The following DOCK5 variants were observed in gnomAD, a reference collection of about 807,000 sequenced individuals.
DOCK5 encodes the protein dedicator of cytokinesis protein 5.
Under a neutral mutation model 251.8 loss-of-function variants are expected in DOCK5, and 142 were observed. That is an observed-to-expected ratio of 0.56 (90% CI 0.49 to 0.65). The LOEUF is 0.65. DOCK5 is among the 30% of genes least tolerant of loss of function. DOCK5 has a pLI of 0.00. For synonymous variants in DOCK5, 842 were observed against 835.5 expected (o/e 1.01, Z -0.13); for missense variants, 2,111 against 2,312.3 (o/e 0.91, Z 1.79).
At chr8:25,334,280 C>A in intron 21 of DOCK5, 84 bp downstream of exon 21, 1 of 1,120,604 alleles carries the variant, frequency 8.9e-7, no homozygotes, top group African/African-American at 1.5e-5. Context: ...ACGAGACGGA[C>A]CTATTACTAT....
At chr8:25,191,768 T>TTATATA (rs10660994) in intron 1 of DOCK5, among the ~76,000 whole-genome samples, 7 of 150,524 alleles carry the variant, frequency 4.7e-5, no homozygotes, top group Admixed American at 2.0e-4. Context: ...TTTTTTAAAA[T>TTATATA]TATATATATA....
Position 25,202,251 on chromosome 8 carries a change from C to G in DOCK5, c.43+17300C>G, listed in dbSNP as rs983747902. Among the ~76,000 whole-genome samples the G allele has an allele frequency of 2.0e-5, 3 of 152,162 alleles. No homozygotes were observed. The South Asian group carries it at 6.2e-4, about 32-fold the overall frequency. On this transcript the variant is annotated intron_variant, in intron 1 of 51. Coordinates refer to ENST00000276440, the MANE Select transcript of DOCK5 (RefSeq NM_024940.8). ...CAGGCTGGTCTCGAACTCCTGTCCT[C>G]AAGCGATCCACCTGCCTCGGCCTCC... is the stretch of plus-strand genomic sequence containing the variant.
chr8:25,333,236 G>A lies in DOCK5; in HGVS notation c.2091+544G>A, dbSNP rs2468896. 4.2e-3 allele frequency among the ~76,000 whole-genome samples: 634 copies of A among 152,214 alleles called. 10 individuals are homozygous for A. Among genetic ancestry groups the A allele is most frequent in the African/African-American group, 0.015 (610 of 41,514 alleles). The stretch of plus-strand genomic sequence containing the variant: ...AGGGTGGAGGGGAAGAAGCTGAAAG[G>A]CTCAAAGCAAGCATCGTTTTCACCT... On this transcript the variant is annotated intron_variant, in intron 20 of 51. Coordinates refer to ENST00000276440, the MANE Select transcript of DOCK5 (RefSeq NM_024940.8).
intron 16 of DOCK5, among the ~76,000 whole-genome samples, chr8:25,321,319 C>T (rs1220418019): frequency 6.6e-6 from 1 of 152,190 alleles, no homozygotes; most frequent in Non-Finnish European, 1.5e-5. Flanking sequence ...TCTTTGGCAC[C>T]AGAGACTGGT....
At chr8:25,384,459 A>T (rs535880462) in intron 40 of DOCK5, among the ~76,000 whole-genome samples, 16,076 of 63,624 alleles carry the variant, frequency 0.25, 1,485 homozygotes, top group Non-Finnish European at 0.32. Context: ...TTATTTATTT[A>T]TTTATTTTTT....
chr8:25,283,623 C>T (rs1365457128), intron 5 of DOCK5, among the ~76,000 whole-genome samples: 1 of 76,724 alleles, frequency 1.3e-5, no homozygotes, highest in Non-Finnish European at 4.7e-5. Flanking sequence ...CTTGGCATAG[C>T]TTCTCTCTTA....
chr8:25,284,745 C>G (rs1029286379), intron 5 of DOCK5, among the ~76,000 whole-genome samples: 12 of 152,178 alleles, frequency 7.9e-5, no homozygotes, highest in Non-Finnish European at 1.2e-4. Flanking sequence ...TTTATCTTGT[C>G]GATAACAACT....
chr8:25,316,367 G>C (rs1168537163), intron 13 of DOCK5, among the ~76,000 whole-genome samples: 1 of 152,066 alleles, frequency 6.6e-6, no homozygotes, highest in Non-Finnish European at 1.5e-5. Flanking sequence ...TGTAATTCCA[G>C]CTACTTGGGA....
rs558148828 is a variant in DOCK5, at chr8:25,263,579, T to C, written c.128-5266T>C. On this transcript the variant is annotated intron_variant, in intron 2 of 51. Transcript: ENST00000276440. The stretch of plus-strand genomic sequence containing the variant: ...TCCCTGGTATGTAACTGATCACTCA[T>C]CCTCATTAGCATGCTGTCTCCCATG... 1.1e-3 allele frequency among the ~76,000 whole-genome samples: 163 copies of C among 151,914 alleles called. 5 individuals carry two copies. The highest frequency in any genetic ancestry group is 3.9e-3 in the African/African-American group (160 of 41,198).
At chr8:25,297,123 C>A (rs1586305013) in intron 7 of DOCK5, among the ~76,000 whole-genome samples, 1 of 152,020 alleles carries the variant, frequency 6.6e-6, no homozygotes, top group East Asian at 1.9e-4. Context: ...GAGACGGAGT[C>A]TTGCTCTGTT....
rs951880252 is a variant in DOCK5, at chr8:25,402,582, C to T, written c.4927-976C>T. 3.9e-5 allele frequency among the ~76,000 whole-genome samples: 6 copies of T among 152,174 alleles called. 1 individual carries two copies. Among genetic ancestry groups the T allele is most frequent in the Admixed American group, 3.9e-4 (6 of 15,288 alleles). On this transcript the variant is annotated intron_variant, in intron 47 of 51. Coordinates refer to ENST00000276440, the MANE Select transcript of DOCK5 (RefSeq NM_024940.8). ...AAGTGCTGGGATTACAGGTGTGAGCCACCGCGCCCGGCCCACACCCAGCTA... is the reference window on the plus strand; with the variant it reads ...AAGTGCTGGGATTACAGGTGTGAGCTACCGCGCCCGGCCCACACCCAGCTA...
chr8:25,329,188 C>G (rs1377087440), intron 18 of DOCK5, among the ~76,000 whole-genome samples: 2 of 152,158 alleles, frequency 1.3e-5, no homozygotes, highest in African/African-American at 4.8e-5. Flanking sequence ...TTGTTATTCT[C>G]TTGCTTCTCT....
chr8:25,329,495 C>T (rs938988302), intron 18 of DOCK5, among the ~76,000 whole-genome samples: 4 of 152,196 alleles, frequency 2.6e-5, no homozygotes, highest in South Asian at 2.1e-4. Flanking sequence ...TCTTGTGTCA[C>T]GTGTGAAATC....
intron 6 of DOCK5, among the ~76,000 whole-genome samples, chr8:25,295,015 G>T (rs1459224574): frequency 6.6e-6 from 1 of 152,168 alleles, no homozygotes; most frequent in Non-Finnish European, 1.5e-5. Flanking sequence ...TTCCAACATT[G>T]GGGTGAATGT....
At chr8:25,206,330 T>C (rs1801999290) in intron 1 of DOCK5, among the ~76,000 whole-genome samples, 1 of 152,192 alleles carries the variant, frequency 6.6e-6, no homozygotes, top group African/African-American at 2.4e-5. Context: ...CCATTCATGC[T>C]GCAATAGTGT....
At chr8:25,242,308 T>G (rs1802975647) in intron 1 of DOCK5, among the ~76,000 whole-genome samples, 1 of 152,164 alleles carries the variant, frequency 6.6e-6, no homozygotes. Context: ...TGTAGACACA[T>G]GGCTTCATTT....
chr8:25,274,397 T>C (rs1432494960), intron 3 of DOCK5, among the ~76,000 whole-genome samples: 1 of 152,204 alleles, frequency 6.6e-6, no homozygotes, highest in African/African-American at 2.4e-5. Context: ...AGCATCACTG[T>C]CTCCGGATGA....
chr8:25,330,094 C>G (rs569628593), intron 18 of DOCK5, among the ~76,000 whole-genome samples: 13 of 152,264 alleles, frequency 8.5e-5, no homozygotes, highest in African/African-American at 3.1e-4. Flanking sequence ...GGTGAAGGGA[C>G]TAAATCCTTT....
chr8:25,256,996 A>G lies in DOCK5; in HGVS notation c.128-11849A>G, dbSNP rs142486160. Among the ~76,000 whole-genome samples, 633 of 152,112 alleles carry G rather than the reference A, an allele frequency of 4.2e-3. 2 individuals carry two copies. Among genetic ancestry groups the G allele is most frequent in the African/African-American group, 0.015 (607 of 41,478 alleles). On this transcript the variant is annotated intron_variant, in intron 2 of 51. Coordinates refer to ENST00000276440, the MANE Select transcript of DOCK5 (RefSeq NM_024940.8). The stretch of plus-strand genomic sequence containing the variant: ...AAATTATGTCTTCATATCAGGTACT[A>G]TAGTCTGGACACCCCTAGCATGGTA...
Sources: gnomAD v4.1 joint callset for allele counts (sites outside exome capture counted in the v4.1 genomes callset) on GRCh38, gnomAD v4.1.1 for gene constraint, MANE v1.5 for transcripts, NCBI Gene and HGNC (gene_info 2026-07-23, HGNC 2026-07-21) for gene names.